LMF1: variants seen among roughly 807,000 people sequenced by gnomAD.
LMF1 encodes the protein transmembrane protein 112.
LMF1 carries 68 observed loss-of-function variants against 60.6 expected under a neutral mutation model. The ratio of observed to expected loss-of-function variants is 1.12; its 90% CI spans 0.92 to 1.37. LMF1 has a LOEUF of 1.37. Among genes scored for constraint, LMF1 ranks in the 40% most tolerant of loss-of-function variants. LMF1 has a pLI of 0.00. For missense variants in LMF1, 948 were observed against 767.2 expected (o/e 1.24, Z -2.78); for synonymous variants, 418 against 324.7 (o/e 1.29, Z -3.09).
chr16:879,513 A>T (rs906912602), intron 6 of LMF1, 57 bp downstream of exon 6: 47 of 1,582,946 alleles, frequency 3.0e-5, no homozygotes, highest in Non-Finnish European at 3.8e-5. Flanking sequence ...AGCCAGAAAT[A>T]GGGCGACGGG....
upstream of LMF1, among the ~76,000 whole-genome samples, chr16:974,702 A>T (rs1165489765): frequency 6.6e-6 from 1 of 152,182 alleles, no homozygotes; most frequent in Non-Finnish European, 1.5e-5. Context: ...CGCTCCCAGC[A>T]GCTGCGGGCC....
chr16:967,361 A>G (rs1382717135), intron 1 of LMF1, among the ~76,000 whole-genome samples: 1 of 152,146 alleles, frequency 6.6e-6, no homozygotes, highest in African/African-American at 2.4e-5. Context: ...TCCTGCCATA[A>G]AACAGTGAGG....
intron 3 of LMF1, among the ~76,000 whole-genome samples, chr16:924,565 G>A (rs577416077): frequency 3.3e-5 from 5 of 152,152 alleles, no homozygotes; most frequent in African/African-American, 9.7e-5. Flanking sequence ...AGGCATTAGC[G>A]CTGAAGGTTA....
chr16:928,891 C>A (rs1315110885), intron 3 of LMF1, among the ~76,000 whole-genome samples: 1 of 152,208 alleles, frequency 6.6e-6, no homozygotes, highest in Non-Finnish European at 1.5e-5. Flanking sequence ...ATTTTGGGGG[C>A]CTAAAACACT....
intron 2 of LMF1, among the ~76,000 whole-genome samples, chr16:945,945 C>A (rs553310353): frequency 2.6e-5 from 4 of 152,162 alleles, no homozygotes; most frequent in Non-Finnish European, 5.9e-5. Flanking sequence ...TGTTCTCCCC[C>A]CGGCGTCCAG....
chr16:950,279 G>A (rs2072410125), intron 2 of LMF1, among the ~76,000 whole-genome samples: 1 of 109,720 alleles, frequency 9.1e-6, no homozygotes, highest in Non-Finnish European at 1.7e-5. Flanking sequence ...CAACGACAGA[G>A]TCAGAGACAA....
At chr16:869,222 C>A in intron 9 of LMF1, 166 bp from the exon 10 acceptor site, 1 of 667,064 alleles carries the variant, frequency 1.5e-6, no homozygotes, top group South Asian at 1.6e-5. Context: ...TAAGGGGCTG[C>A]CTGCTTCGTG....
chr16:963,462 T>A (rs1160208637), intron 1 of LMF1, among the ~76,000 whole-genome samples: 1 of 152,056 alleles, frequency 6.6e-6, no homozygotes, highest in Non-Finnish European at 1.5e-5. Context: ...CCTGTGTCCA[T>A]GTGTGCACGG....
At chr16:881,588 A>T (rs1386951070) in intron 5 of LMF1, 1 of 152,300 alleles carries the variant, frequency 6.6e-6, no homozygotes, top group Non-Finnish European at 1.5e-5. Context: ...AAGGCAGCAG[A>T]TCTTGGGGGA....
intron 5 of LMF1, among the ~76,000 whole-genome samples, chr16:882,501 G>A (rs962578350): frequency 6.6e-6 from 1 of 152,272 alleles, no homozygotes; most frequent in African/African-American, 2.4e-5. Context: ...CTAGGTTCCA[G>A]TACAAGTGAA....
rs1464718125 is a variant in LMF1, at chr16:953,982, C to G, written c.503+375G>C. Among the ~76,000 whole-genome samples the G allele has an allele frequency of 4.6e-5, 2 of 43,590 alleles. 1 individual carries two copies. Among genetic ancestry groups the G allele is most frequent in the Non-Finnish European group, 1.1e-4 (2 of 18,802 alleles). 28.6% of individuals were successfully genotyped at this position (43,590 alleles called of 152,430 possible). A position where few individuals can be genotyped will look rare whatever the true frequency, so the allele number is the denominator to read the frequency against. On this transcript the variant is annotated intron_variant, in intron 2 of 10. Transcript: ENST00000262301. ...CAAACCAGCCTCCTACATGTCCACACAGACACCCCAAACCAGCCTCCTACA... is the reference window on the plus strand; with the variant it reads ...CAAACCAGCCTCCTACATGTCCACAGAGACACCCCAAACCAGCCTCCTACA...
chr16:936,090 G>A (rs1255556443), intron 2 of LMF1, among the ~76,000 whole-genome samples: 1 of 148,122 alleles, frequency 6.8e-6, no homozygotes, highest in African/African-American at 2.5e-5. Context: ...GGGAGGGAGA[G>A]AGGGCACCCC....
intron 4 of LMF1, among the ~76,000 whole-genome samples, chr16:907,270 A>G (rs1329323395): frequency 6.6e-6 from 1 of 152,076 alleles, no homozygotes; most frequent in Non-Finnish European, 1.5e-5. Context: ...GCGTGATGGC[A>G]GGTTCCTGTA....
chr16:974,815 C>T (rs887764691), upstream of LMF1, among the ~76,000 whole-genome samples: 10 of 152,368 alleles, frequency 6.6e-5, no homozygotes, highest in East Asian at 9.6e-4. Flanking sequence ...CCCTGGCATG[C>T]GGTGGCAGCT....
At chr16:935,522 G>A (rs937858431) in intron 2 of LMF1, among the ~76,000 whole-genome samples, 10 of 150,832 alleles carry the variant, frequency 6.6e-5, no homozygotes, top group Non-Finnish European at 5.9e-5. Context: ...AAGAAAAATT[G>A]TCTTGGGCCA....
chr16:951,832 C>T (rs1406710290), intron 2 of LMF1, among the ~76,000 whole-genome samples: 1 of 152,212 alleles, frequency 6.6e-6, no homozygotes, highest in African/African-American at 2.4e-5. Flanking sequence ...CTTCACCGTC[C>T]AGACACTCAA....
intron 2 of LMF1, among the ~76,000 whole-genome samples, chr16:953,007 A>C (rs1215381365): frequency 2.6e-5 from 1 of 39,072 alleles, no homozygotes; most frequent in Non-Finnish European, 4.1e-5. Context: ...AGACACCCCA[A>C]ACCAGCCTCC....
At position 853,980 on chromosome 16, in the gene LMF1, G is replaced by A. The variant is rs544345842; in HGVS notation, c.*552C>T. On this transcript the variant is annotated 3_prime_UTR_variant, in exon 11 of 11. Coordinates refer to ENST00000262301, the MANE Select transcript of LMF1 (RefSeq NM_022773.4). ...GTGGCGGGGGTGGAGATGAGGGATA[G>A]GACAGAAAATGGCCCATCCAACCCC... The A allele has an allele frequency of 4.4e-6, 2 of 454,124 alleles. No homozygotes were observed. The highest frequency in any genetic ancestry group is 1.4e-4 in the East Asian group (2 of 14,388). The allele number at this position is 454,124 out of a possible 1,614,324, so 28.1% of individuals were successfully genotyped here.
At chr16:934,685 G>T (rs2071889754) in intron 2 of LMF1, among the ~76,000 whole-genome samples, 1 of 152,240 alleles carries the variant, frequency 6.6e-6, no homozygotes, top group Non-Finnish European at 1.5e-5. Flanking sequence ...GCTGGGCAAG[G>T]CCTGTGTCTT....
Sources: allele counts gnomAD v4.1 joint callset (sites outside exome capture counted in the v4.1 genomes callset), GRCh38; gene constraint gnomAD v4.1.1; transcripts MANE v1.5; gene names NCBI Gene and HGNC (gene_info 2026-07-23, HGNC 2026-07-21).